Variants in TMEM135 observed in about 807,000 individuals in gnomAD.
TMEM135 encodes the protein peroxisomal membrane protein 52.
TMEM135 carries 30 observed loss-of-function variants against 60.3 expected under a neutral mutation model. The observed-to-expected ratio is 0.50, with a 90% CI of 0.37 to 0.68. TMEM135 has a LOEUF of 0.68. Among genes scored for constraint, TMEM135 ranks in the 30% least tolerant of loss-of-function variants. The pLI, the probability that TMEM135 is intolerant of heterozygous loss-of-function variation, is 0.00. For missense variants in TMEM135, 468 were observed against 548.8 expected (o/e 0.85, Z 1.47); for synonymous variants, 190 against 186.7 (o/e 1.02, Z -0.14).
At chr11:87,132,037 A>G (rs972956515) in intron 4 of TMEM135, among the ~76,000 whole-genome samples, 2 of 152,136 alleles carry the variant, frequency 1.3e-5, no homozygotes, top group African/African-American at 4.8e-5. Flanking sequence ...AGATGGGACC[A>G]TCTAGTTACA....
At chr11:87,096,811 A>G (rs970382303) in intron 4 of TMEM135, among the ~76,000 whole-genome samples, 1 of 152,206 alleles carries the variant, frequency 6.6e-6, no homozygotes, top group Non-Finnish European at 1.5e-5. Context: ...GATGATTGGT[A>G]GAAGTTTTAA....
intron 6 of TMEM135, among the ~76,000 whole-genome samples, chr11:87,237,262 C>T (rs780142456): frequency 1.3e-5 from 2 of 151,934 alleles, no homozygotes; most frequent in South Asian, 2.1e-4. Flanking sequence ...CTGCCATCTT[C>T]GTATAATCCC....
At chr11:87,068,601 G>C (rs367623902) in intron 2 of TMEM135, among the ~76,000 whole-genome samples, 1 of 152,014 alleles carries the variant, frequency 6.6e-6, no homozygotes, top group Non-Finnish European at 1.5e-5. Context: ...ACAAGGTCAG[G>C]AGATCGAGGC....
At chr11:87,114,743 C>T (rs1435116658) in intron 4 of TMEM135, among the ~76,000 whole-genome samples, 3 of 152,240 alleles carry the variant, frequency 2.0e-5, no homozygotes, top group East Asian at 1.9e-4. Flanking sequence ...GTTACCAAAC[C>T]ATTGTAAACA....
intron 6 of TMEM135, among the ~76,000 whole-genome samples, chr11:87,265,187 G>T (rs1036688105): frequency 2.6e-5 from 4 of 151,956 alleles, no homozygotes; most frequent in Non-Finnish European, 5.9e-5. Context: ...TTTATAAACT[G>T]ATAGTGAGAA....
intron 1 of TMEM135, among the ~76,000 whole-genome samples, chr11:87,059,798 T>C (rs1949929159): frequency 6.6e-6 from 1 of 152,254 alleles, no homozygotes; most frequent in Admixed American, 6.5e-5. Flanking sequence ...ATATTTGTTA[T>C]CTTATTTATA....
intron 1 of TMEM135, among the ~76,000 whole-genome samples, chr11:87,067,178 T>C (rs1028938703): frequency 1.8e-4 from 26 of 147,194 alleles, no homozygotes; most frequent in East Asian, 3.9e-4. Context: ...TATATATATA[T>C]ACACACACTA....
intron 5 of TMEM135, among the ~76,000 whole-genome samples, chr11:87,172,300 C>T (rs1041809036): frequency 6.6e-6 from 1 of 151,950 alleles, no homozygotes; most frequent in Non-Finnish European, 1.5e-5. Context: ...AAGGTACACT[C>T]TGTATGAGAC....
At chr11:87,261,872 G>C (rs913994809) in intron 6 of TMEM135, among the ~76,000 whole-genome samples, 1 of 152,164 alleles carries the variant, frequency 6.6e-6, no homozygotes, top group Non-Finnish European at 1.5e-5. Flanking sequence ...GAATCGGCCT[G>C]CCTTGGCCTG....
chr11:87,309,790 A>T (rs544638101), intron 10 of TMEM135, 118 bp downstream of exon 10: 1 of 1,113,690 alleles, frequency 9.0e-7, no homozygotes, highest in Admixed American at 2.2e-5. Context: ...ATTCATACAT[A>T]TCTTGACATA....
chr11:87,067,944 A>G, intron 2 of TMEM135, 123 bp downstream of exon 2: 1 of 1,223,484 alleles, frequency 8.2e-7, no homozygotes, highest in Non-Finnish European at 1.2e-6. Flanking sequence ...TAATCTGTGA[A>G]GTGACATTTA....
chr11:87,265,554 C>G (rs4944686), intron 6 of TMEM135, among the ~76,000 whole-genome samples: 53,678 of 151,840 alleles, frequency 0.35, 10,041 homozygotes, highest in Non-Finnish European at 0.42. Context: ...TTTTAATAAG[C>G]ATCTAAACAC....
intron 1 of TMEM135, among the ~76,000 whole-genome samples, chr11:87,045,472 T>A (rs928810262): frequency 1.3e-5 from 2 of 151,434 alleles, no homozygotes; most frequent in African/African-American, 4.9e-5. Context: ...CTGTTTTCTG[T>A]AGCAGCTAAC....
At chr11:87,197,597 GT>G (rs139115919) in intron 5 of TMEM135, among the ~76,000 whole-genome samples, 20,220 of 151,100 alleles carry the variant, frequency 0.13, 1,398 homozygotes, top group Non-Finnish European at 0.15. Context: ...AAAATTGGTA[GT>G]TTTTTTATTA....
intron 8 of TMEM135, among the ~76,000 whole-genome samples, chr11:87,303,559 G>A (rs909017042): frequency 3.9e-5 from 6 of 152,150 alleles, no homozygotes; most frequent in African/African-American, 1.4e-4. Context: ...GTTAACTGGG[G>A]TTAATAATCT....
intron 1 of TMEM135, among the ~76,000 whole-genome samples, chr11:87,045,288 C>T (rs1590975618): frequency 1.3e-5 from 2 of 152,102 alleles, no homozygotes; most frequent in Non-Finnish European, 2.9e-5. Flanking sequence ...CCTCGGCCTC[C>T]CAAAGTGCTG....
intron 1 of TMEM135, among the ~76,000 whole-genome samples, chr11:87,059,213 C>G (rs1030230088): frequency 1.3e-5 from 2 of 151,808 alleles, no homozygotes; most frequent in African/African-American, 4.8e-5. Context: ...CTGACGTCAG[C>G]CACCGCGCCC....
intron 3 of TMEM135, among the ~76,000 whole-genome samples, chr11:87,090,979 G>T (rs1359394090): frequency 6.6e-6 from 1 of 151,960 alleles, no homozygotes; most frequent in Non-Finnish European, 1.5e-5. Context: ...GGTCAGAATT[G>T]TTCTTTACAT....
At chr11:87,313,349 T>G in intron 10 of TMEM135, 76 bp from the exon 11 acceptor site, 1 of 1,213,570 alleles carries the variant, frequency 8.2e-7, no homozygotes, top group Non-Finnish European at 1.2e-6. Flanking sequence ...AATTTATTCA[T>G]TATAGTTGTT....
Sources: gnomAD v4.1 joint callset for allele counts (sites outside exome capture counted in the v4.1 genomes callset) on GRCh38, gnomAD v4.1.1 for gene constraint, MANE v1.5 for transcripts, NCBI Gene and HGNC (gene_info 2026-07-23, HGNC 2026-07-21) for gene names.